Variants in AKAP3 observed in about 807,000 individuals in gnomAD.
AKAP3 encodes A-kinase anchoring protein 3, also known as A-kinase anchor protein 3.
A neutral mutation model predicts 57.2 loss-of-function variants in AKAP3; 27 were observed. The observed-to-expected ratio is 0.47, with a 90% CI of 0.35 to 0.65. AKAP3 has a LOEUF of 0.65. Among genes scored for constraint, AKAP3 ranks in the 30% least tolerant of loss-of-function variants. The probability of loss-of-function intolerance (pLI) is 0.01; values close to 1 mark genes in which losing one functional copy is unlikely to be tolerated. For synonymous variants in AKAP3, 334 were observed against 392.3 expected (o/e 0.85, Z 1.76); for missense variants, 959 against 1,040.0 (o/e 0.92, Z 1.07).
intron 5 of AKAP3, among the ~76,000 whole-genome samples, chr12:4,622,937 AC>A (rs759302919): frequency 2.0e-5 from 3 of 152,226 alleles, no homozygotes; most frequent in African/African-American, 7.2e-5. Flanking sequence ...CAAGAAAAAA[AC>A]AACCCCATTA....
In AKAP3 at chr12:4,631,315, T is replaced by C. The variant is rs952760168; in HGVS notation, c.97-2510A>G. ...CTGTTCTGACAGCATTTTTTGTCCA[T>C]CTTAAGCTCACCAACTAAGACGTTT... On this transcript the variant is annotated intron_variant, in intron 4 of 5. Coordinates refer to ENST00000228850, the MANE Select transcript of AKAP3 (RefSeq NM_001278309.2). 7 of 701,612 alleles carry C rather than the reference T, an allele frequency of 1.0e-5. No homozygotes were observed. The Admixed American group carries it at 1.0e-4, about 10-fold the overall frequency. 43.5% of individuals were successfully genotyped at this position (701,612 alleles called of 1,614,324 possible). A position where few individuals can be genotyped will look rare whatever the true frequency, so the allele number is the denominator to read the frequency against.
At chr12:4,621,251 A>C (rs1389298851) in intron 5 of AKAP3, among the ~76,000 whole-genome samples, 1 of 152,206 alleles carries the variant, frequency 6.6e-6, no homozygotes, top group Admixed American at 6.5e-5. Flanking sequence ...TGTAACATAA[A>C]AATGTTACAG....
At chr12:4,617,285 CTG>C (rs930660576) in intron 5 of AKAP3, among the ~76,000 whole-genome samples, 5 of 152,126 alleles carry the variant, frequency 3.3e-5, no homozygotes, top group Non-Finnish European at 5.9e-5. Flanking sequence ...TTAAATAAAA[CTG>C]AGAGAATTCA....
chr12:4,642,154 C>T (rs1945645425), intron 2 of AKAP3, 150 bp from the exon 3 acceptor site: 1 of 152,188 alleles, frequency 6.6e-6, no homozygotes, highest in Non-Finnish European at 1.5e-5. Context: ...GAGCACACAT[C>T]TTATTCTTGA....
Position 4,628,221 on chromosome 12 carries a change from T to A in AKAP3, c.681A>T (p.Arg227Ser). Residue 227 changes from arginine (R) to serine (S), a missense_variant, in exon 5 of 6, where the codon AGA becomes AGT. Physicochemically the swap from Arg to Ser is moderately radical, Grantham distance 110 (BLOSUM62 -1). Transcript: ENST00000228850. ...AAGGAGGCTTGTCATCTGGACCCTG[T>A]CTTTCTTTGGTGCTCTCCTTGATCT... Reference protein sequence around the residue: ...TLKIKESTKERQGPDDKPPSK... With the variant: ...TLKIKESTKESQGPDDKPPSK... The A allele has an allele frequency of 6.2e-7, 1 of 1,614,138 alleles. No individual in the cohort carries two copies. The highest frequency in any genetic ancestry group is 8.5e-7 in the Non-Finnish European group (1 of 1,180,000).
intron 4 of AKAP3, chr12:4,635,867 T>C: frequency 1.5e-6 from 1 of 667,278 alleles, no homozygotes; most frequent in South Asian, 1.7e-5. Flanking sequence ...AAACGTCTAT[T>C]TTCTGGCTAA....
chr12:4,647,344 T>C (rs1301482894), intron 1 of AKAP3, among the ~76,000 whole-genome samples: 8 of 151,818 alleles, frequency 5.3e-5, no homozygotes, highest in African/African-American at 1.9e-4. Flanking sequence ...ATGACAAAAC[T>C]GGGGATGGGA....
At position 4,627,074 on chromosome 12, in the gene AKAP3, C is replaced by CA. The variant is rs1489358766; in HGVS notation, c.1827dup (p.Asp610Ter). ...GGCACCTTGGGTTCAGGGCTCTGGT[C>CA]ACGCTTGAAAATGGTCTCACTAAGT... On this transcript the variant is annotated frameshift_variant, in exon 5 of 6. Transcript: ENST00000228850. LOFTEE classifies it high-confidence loss of function. 1 of 1,614,094 alleles carries CA rather than the reference C, an allele frequency of 6.2e-7. No homozygotes were observed. Among genetic ancestry groups the CA allele is most frequent in the Non-Finnish European group, 8.5e-7 (1 of 1,179,994 alleles).
chr12:4,621,839 A>G (rs1427655004), intron 5 of AKAP3, among the ~76,000 whole-genome samples: 1 of 152,228 alleles, frequency 6.6e-6, no homozygotes, highest in Non-Finnish European at 1.5e-5. Context: ...AGCAAAAATA[A>G]AAGAAAAATG....
chr12:4,621,842 G>T (rs986757714), intron 5 of AKAP3, among the ~76,000 whole-genome samples: 1 of 152,006 alleles, frequency 6.6e-6, no homozygotes, highest in South Asian at 2.1e-4. Context: ...AAAAATAAAA[G>T]AAAAATGTCT....
chr12:4,647,793 T>A (rs1945716881), intron 1 of AKAP3: 1 of 152,208 alleles, frequency 6.6e-6, no homozygotes, highest in South Asian at 2.1e-4. Flanking sequence ...GCTTCTCCGA[T>A]GAAATTCAAG....
chr12:4,630,557 G>A (rs1424248584), intron 4 of AKAP3, among the ~76,000 whole-genome samples: 5 of 152,184 alleles, frequency 3.3e-5, no homozygotes, highest in Admixed American at 2.6e-4. Flanking sequence ...GATCCATTGT[G>A]CTTGGTTCAA....
chr12:4,616,766 A>T (rs1429003396), intron 5 of AKAP3, among the ~76,000 whole-genome samples: 1 of 152,220 alleles, frequency 6.6e-6, no homozygotes, highest in Non-Finnish European at 1.5e-5. Context: ...ATGCTGAACA[A>T]CATATGAAAT....
At position 4,626,905 on chromosome 12, in the gene AKAP3, C is replaced by A; in HGVS notation, c.1997G>T (p.Ser666Ile). 1.2e-6 allele frequency: 2 copies of A among 1,614,064 alleles called. No homozygotes were observed. The highest frequency in any genetic ancestry group is 1.7e-6 in the Non-Finnish European group (2 of 1,180,022). Residue 666 changes from serine (S) to isoleucine (I), a missense_variant, in exon 5 of 6, where the codon AGT (serine) becomes ATT (isoleucine). Physicochemically the swap from Ser to Ile is moderately radical, Grantham distance 142 (BLOSUM62 -2). Coordinates refer to ENST00000228850, the MANE Select transcript of AKAP3 (RefSeq NM_001278309.2). Reference sequence around the variant, plus strand: ...CATCAGATGTTCTACCATCTGCCCACTCATGTGGCCATCTATCTGGCTGAC... The same window carrying A: ...CATCAGATGTTCTACCATCTGCCCAATCATGTGGCCATCTATCTGGCTGAC... Reference protein sequence around the residue: ...MAVSQIDGHMSGQMVEHLMNS... With the variant: ...MAVSQIDGHMIGQMVEHLMNS...
intron 1 of AKAP3, chr12:4,648,142 T>C (rs1288506657): frequency 6.6e-6 from 1 of 152,216 alleles, no homozygotes; most frequent in Non-Finnish European, 1.5e-5. Flanking sequence ...AAGCGCTTAG[T>C]CTAACCTGGA....
At position 4,627,644 on chromosome 12, in the gene AKAP3, C is replaced by A. The variant is rs1442434456; in HGVS notation, c.1258G>T (p.Val420Leu). The A allele has an allele frequency of 1.9e-6, 3 of 1,614,064 alleles. No individual in the cohort carries two copies. The Admixed American group carries it at 5.0e-5, about 27-fold the overall frequency. The change falls in exon 5 of 6, where the codon GTG (valine) becomes TTG (leucine). Residue 420 changes from valine to leucine, a missense_variant. Coordinates refer to ENST00000228850, the MANE Select transcript of AKAP3 (RefSeq NM_001278309.2). Reference sequence around the variant, plus strand: ...GTTTCAGATTTCATGGCAAAGTTCACATTTCGGTTTTTAGGATCACCCATT... The same window carrying A: ...GTTTCAGATTTCATGGCAAAGTTCAAATTTCGGTTTTTAGGATCACCCATT... Reference protein sequence around the residue: ...KGMGDPKNRNVNFAMKSETKL... With the variant: ...KGMGDPKNRNLNFAMKSETKL...
chr12:4,623,792 A>T (rs184384646), intron 5 of AKAP3, among the ~76,000 whole-genome samples: 28 of 152,326 alleles, frequency 1.8e-4, no homozygotes, highest in South Asian at 1.5e-3. Context: ...TGACAAATTA[A>T]TCCACAGAAG....
intron 4 of AKAP3, chr12:4,635,953 C>T: frequency 9.8e-7 from 1 of 1,019,148 alleles, no homozygotes; most frequent in East Asian, 2.5e-5. Context: ...TCTTTTTGGG[C>T]CCATATTTCA....
intron 4 of AKAP3, among the ~76,000 whole-genome samples, chr12:4,632,907 T>C (rs554187241): frequency 5.2e-3 from 786 of 152,248 alleles, no homozygotes; most frequent in African/African-American, 0.017. Context: ...CCCAAAGTGC[T>C]GGGATTACAG....
Sources: allele counts gnomAD v4.1 joint callset (sites outside exome capture counted in the v4.1 genomes callset), GRCh38; gene constraint gnomAD v4.1.1; transcripts MANE v1.5; gene names NCBI Gene and HGNC (gene_info 2026-07-23, HGNC 2026-07-21).